Variants in RNF4 observed in about 807,000 individuals in gnomAD.
RNF4 encodes ring finger protein 4.
In RNF4, 7 loss-of-function variants were observed where a neutral mutation model predicts 24.3. The ratio of observed to expected loss-of-function variants is 0.29; its 90% CI spans 0.16 to 0.54. RNF4 has a LOEUF of 0.54. Ranked by LOEUF, RNF4 falls within the 20% of genes least tolerant of loss-of-function variation. RNF4 has a pLI of 0.95. For synonymous variants in RNF4, 83 were observed against 84.3 expected, an observed-to-expected ratio of 0.98 and a Z score of 0.09; for missense variants, 209 against 248.5, an observed-to-expected ratio of 0.84 and a Z score of 1.07.
intron 1 of RNF4, among the ~76,000 whole-genome samples, chr4:2,474,986 C>T (rs539080446): frequency 3.9e-5 from 6 of 152,176 alleles, no homozygotes; most frequent in South Asian, 4.1e-4. Context: ...AAGATTGCGC[C>T]GTTGTACTCC....
intron 1 of RNF4, among the ~76,000 whole-genome samples, chr4:2,473,131 C>G (rs914592547): frequency 6.6e-6 from 1 of 151,886 alleles, no homozygotes; most frequent in Non-Finnish European, 1.5e-5. Context: ...CCTGTAATCC[C>G]AGCACTTTGG....
intron 4 of RNF4, among the ~76,000 whole-genome samples, chr4:2,501,462 C>T (rs1735908522): frequency 2.0e-5 from 3 of 152,214 alleles, no homozygotes; most frequent in South Asian, 4.1e-4. Context: ...CTCATGGCAC[C>T]GGTTACAGAC....
intron 1 of RNF4, chr4:2,480,874 G>A (rs779588546): frequency 6.6e-6 from 1 of 152,176 alleles, no homozygotes; most frequent in African/African-American, 2.4e-5. Flanking sequence ...AGGATACCTG[G>A]AGTAAAGTAC....
chr4:2,482,481 G>T lies in RNF4; in HGVS notation c.-157-7856G>T, dbSNP rs559642248. On this transcript the variant is annotated intron_variant, in intron 1 of 7. Transcript: ENST00000314289. Reference sequence around the variant, plus strand: ...TACATCTGCCCCTCGGCCTCCGGAGGAGTGGATCCTTAGGTTTCCTTCATT... The same window carrying T: ...TACATCTGCCCCTCGGCCTCCGGAGTAGTGGATCCTTAGGTTTCCTTCATT... Among the ~76,000 whole-genome samples the T allele has an allele frequency of 2.4e-3, 372 of 152,328 alleles. 3 individuals are homozygous for T. Among genetic ancestry groups the T allele is most frequent in the African/African-American group, 8.5e-3 (355 of 41,574 alleles).
chr4:2,488,091 CT>C (rs2108759296), intron 1 of RNF4, among the ~76,000 whole-genome samples: 1 of 152,298 alleles, frequency 6.6e-6, no homozygotes, highest in East Asian at 1.9e-4. Flanking sequence ...TGCACAGAGG[CT>C]GTGTTTGCTC....
At chr4:2,502,131 T>C (rs2108771302) in intron 4 of RNF4, among the ~76,000 whole-genome samples, 1 of 152,358 alleles carries the variant, frequency 6.6e-6, no homozygotes, top group East Asian at 1.9e-4. Context: ...TTCCCCTCTT[T>C]CTTTTTCCCA....
At chr4:2,491,965 G>C (rs751291257) in intron 2 of RNF4, among the ~76,000 whole-genome samples, 1 of 151,570 alleles carries the variant, frequency 6.6e-6, no homozygotes, top group Admixed American at 6.6e-5. Flanking sequence ...TTGGGAGGCC[G>C]AGGTGGGCGG....
intron 1 of RNF4, among the ~76,000 whole-genome samples, chr4:2,483,229 A>T (rs1735295276): frequency 6.6e-6 from 1 of 152,152 alleles, no homozygotes; most frequent in Non-Finnish European, 1.5e-5. Flanking sequence ...TTAGCAAATT[A>T]GTTGATAGAG....
intron 3 of RNF4, among the ~76,000 whole-genome samples, chr4:2,498,619 AATTAT>A (rs1735808893): frequency 6.6e-6 from 1 of 152,182 alleles, no homozygotes; most frequent in Admixed American, 6.5e-5. Context: ...ATTTTATATA[AATTAT>A]ATTGTATATG....
chr4:2,474,872 A>G (rs1270538957), intron 1 of RNF4, among the ~76,000 whole-genome samples: 1 of 152,058 alleles, frequency 6.6e-6, no homozygotes, highest in Non-Finnish European at 1.5e-5. Context: ...TAAAAATACA[A>G]AAAAATTAGC....
chr4:2,512,712 C>G lies in RNF4; in HGVS notation c.374+115C>G, dbSNP rs767543009. On this transcript the variant is annotated intron_variant, in intron 6 of 7. Transcript: ENST00000314289. The surrounding 1 kb of genome is among the most constrained non-coding windows in gnomAD (Gnocchi z 4.1). ...GCCCTGGAAGGGCTTGCCCAAGCCT[C>G]TACCCAGCATCTGGATACAGTTGGA... 8.2e-7 allele frequency: 1 copy of G among 1,219,346 alleles called. No homozygotes were observed. The highest frequency in any genetic ancestry group is 1.1e-6 in the Non-Finnish European group (1 of 883,502). The allele number at this position is 1,219,346 out of a possible 1,614,324, so 75.5% of individuals were successfully genotyped here. A position where few individuals can be genotyped will look rare whatever the true frequency, so the allele number is the denominator to read the frequency against.
chr4:2,492,071 C>T (rs556669006), intron 2 of RNF4, among the ~76,000 whole-genome samples: 13 of 151,958 alleles, frequency 8.6e-5, no homozygotes, highest in South Asian at 6.2e-4. Flanking sequence ...AGTTGGCGGG[C>T]GCCTGTAGTC....
intron 3 of RNF4, chr4:2,499,233 C>T (rs1263579863): frequency 7.0e-6 from 3 of 428,036 alleles, no homozygotes; most frequent in East Asian, 1.5e-4. Flanking sequence ...AGACACTTTC[C>T]CCAAATATTA....
intron 1 of RNF4, among the ~76,000 whole-genome samples, chr4:2,470,627 G>A (rs1434305978): frequency 2.6e-5 from 4 of 152,076 alleles, no homozygotes. Flanking sequence ...TTTATATAAT[G>A]TATGCACATC....
chr4:2,489,137 G>A (rs1735503787), intron 1 of RNF4, among the ~76,000 whole-genome samples: 1 of 152,166 alleles, frequency 6.6e-6, no homozygotes, highest in East Asian at 1.9e-4. Context: ...AATCTCAGTT[G>A]CCTGGCTCAA....
chr4:2,509,879 T>C (rs1324153080), intron 4 of RNF4, among the ~76,000 whole-genome samples: 2 of 152,112 alleles, frequency 1.3e-5, no homozygotes, highest in Non-Finnish European at 2.9e-5. Context: ...TGTAGAAAGC[T>C]GGGGTCATTT....
chr4:2,472,709 A>T (rs34930071), intron 1 of RNF4, among the ~76,000 whole-genome samples: 7,714 of 152,200 alleles, frequency 0.051, 269 homozygotes, highest in South Asian at 0.16. Context: ...AATGTAAATT[A>T]AAAACCTCCT....
chr4:2,500,817 A>G, intron 4 of RNF4, 79 bp downstream of exon 4: 5 of 1,347,444 alleles, frequency 3.7e-6, no homozygotes, highest in Non-Finnish European at 5.3e-6. Context: ...AGCCTTGGTC[A>G]CAGACTCCAA....
chr4:2,482,884 T>A (rs972100087), intron 1 of RNF4, among the ~76,000 whole-genome samples: 27 of 152,258 alleles, frequency 1.8e-4, no homozygotes, highest in African/African-American at 6.3e-4. Context: ...TTCTTCAACC[T>A]CCTCTGAGTC....
Sources: allele counts gnomAD v4.1 joint callset (sites outside exome capture counted in the v4.1 genomes callset), GRCh38; gene constraint gnomAD v4.1.1; non-coding constraint Gnocchi (gnomAD v3.1); transcripts MANE v1.5; gene names NCBI Gene and HGNC (gene_info 2026-07-23, HGNC 2026-07-21).